Variants in ANKRD24 observed in about 807,000 individuals in gnomAD.
The protein encoded by ANKRD24 is ankyrin repeat domain 24.
ANKRD24 carries 109 observed loss-of-function variants against 127.8 expected under a neutral mutation model. The observed-to-expected ratio is 0.85, with a 90% CI of 0.73 to 1.00. ANKRD24 has a LOEUF of 1.00. Ranked by LOEUF, ANKRD24 falls within the 50% of genes least tolerant of loss-of-function variation. ANKRD24 has a pLI of 0.00. For missense variants in ANKRD24, 1,648 were observed against 1,570.2 expected (o/e 1.05, Z -0.84); for synonymous variants, 743 against 671.1 (o/e 1.11, Z -1.66).
chr19:4,201,194 A>C (rs1234149924), intron 5 of ANKRD24, among the ~76,000 whole-genome samples: 2 of 152,056 alleles, frequency 1.3e-5, no homozygotes, highest in African/African-American at 4.8e-5. Context: ...TAACTGAGAT[A>C]AAAATGTGTG....
intron 7 of ANKRD24, 133 bp downstream of exon 7, chr19:4,203,059 T>TG: frequency 5.0e-6 from 4 of 792,400 alleles, no homozygotes; most frequent in Non-Finnish European, 5.7e-6. Flanking sequence ...TTTCTTTTTT[T>TG]TTTTTTGAGA....
intron 19 of ANKRD24, among the ~76,000 whole-genome samples, chr19:4,220,850 C>G (rs780396881): frequency 6.6e-6 from 1 of 151,786 alleles, no homozygotes; most frequent in South Asian, 2.1e-4. Context: ...TCACCGCGAC[C>G]GGCCTCACAC....
chr19:4,210,354 G>A lies in ANKRD24; in HGVS notation c.1041G>A (p.Lys347=). The stretch of plus-strand genomic sequence containing the variant: ...AGATCCGGGGCCTGGAACAGCACAA[G>A]GAACGGAGGCAGCAGGAGGTTAGGA... The part of the protein sequence containing the change: ...LQKIRGLEQH[K]ERRQQESPEA... Residue 347 remains lysine (K), a synonymous_variant, in exon 13 of 22, where the codon AAG becomes AAA. Transcript: ENST00000318934. 1 of 1,567,678 alleles carries A rather than the reference G, an allele frequency of 6.4e-7. No individual in the cohort carries two copies. The highest frequency in any genetic ancestry group is 1.2e-5 in the South Asian group (1 of 84,916).
At chr19:4,194,963 CTGAT>C (rs529095561) in intron 2 of ANKRD24, among the ~76,000 whole-genome samples, 4 of 150,758 alleles carry the variant, frequency 2.7e-5, no homozygotes, top group Admixed American at 6.6e-5. Context: ...GGCATTTGCT[CTGAT>C]TGATTGATTG....
chr19:4,215,345 C>A (rs978924116), intron 15 of ANKRD24, among the ~76,000 whole-genome samples: 1 of 151,678 alleles, frequency 6.6e-6, no homozygotes, highest in African/African-American at 2.4e-5. Flanking sequence ...ATTAGCCAGG[C>A]GTGGTGGTAC....
chr19:4,205,935 A>G (rs925276122), intron 7 of ANKRD24, among the ~76,000 whole-genome samples: 118 of 151,340 alleles, frequency 7.8e-4, no homozygotes, highest in African/African-American at 2.8e-3. Context: ...GAGCTCAGGC[A>G]ATCGAGACCA....
In ANKRD24 at chr19:4,199,477, G is replaced by A; in HGVS notation, c.37-206G>A. On this transcript the variant is annotated intron_variant, in intron 2 of 21. Transcript: ENST00000318934. The surrounding 1 kb of genome is among the most constrained non-coding windows in gnomAD (Gnocchi z 5.2). ...TCCTCCCACCTTGGCCTCCCCAGAT[G>A]CTGGGACTACAGGCGTGAGCCTCCA... 3.0e-6 allele frequency: 3 copies of A among 984,414 alleles called. No homozygotes were observed. The highest frequency in any genetic ancestry group is 3.6e-6 in the Non-Finnish European group (3 of 828,992). 61.0% of individuals were successfully genotyped at this position (984,414 alleles called of 1,614,324 possible). A position where few individuals can be genotyped will look rare whatever the true frequency, so the allele number is the denominator to read the frequency against.
chr19:4,221,052 T>G (rs1970413826), intron 19 of ANKRD24, among the ~76,000 whole-genome samples: 1 of 151,896 alleles, frequency 6.6e-6, no homozygotes, highest in African/African-American at 2.4e-5. Flanking sequence ...TACAGGTGTG[T>G]GCCATCATGC....
At position 4,192,507 on chromosome 19, in the gene ANKRD24, G is replaced by A. The variant is rs544454560; in HGVS notation, c.36+6046G>A. 2.0e-5 allele frequency among the ~76,000 whole-genome samples: 3 copies of A among 149,100 alleles called. No individual in the cohort carries two copies. In the Admixed American group the frequency reaches 2.0e-4, roughly 10 times the overall value. On this transcript the variant is annotated intron_variant, in intron 2 of 21. Coordinates refer to ENST00000318934, the MANE Select transcript of ANKRD24 (RefSeq NM_001393985.1). ...ATTACAGGCGTGAGCCACCGCGCCC[G>A]GCCAGGCCTCGTATTTTCATTTTTC... is the stretch of plus-strand genomic sequence containing the variant.
At chr19:4,187,936 C>T (rs1968159678) in intron 2 of ANKRD24, among the ~76,000 whole-genome samples, 1 of 152,134 alleles carries the variant, frequency 6.6e-6, no homozygotes, top group Non-Finnish European at 1.5e-5. Flanking sequence ...ACCAGGTCTG[C>T]TTGATGCACA....
chr19:4,194,048 GACTGTCTAC>G (rs139902947), intron 2 of ANKRD24, among the ~76,000 whole-genome samples: 19,991 of 152,016 alleles, frequency 0.13, 1,657 homozygotes, highest in Non-Finnish European at 0.19. Flanking sequence ...AATAGCCTTT[GACTGTCTAC>G]ACTTTTTTCT....
rs1046686068 is a variant in ANKRD24 at position 4,199,431 on chromosome 19, C to T, written c.37-252C>T. The T allele has an allele frequency of 9.6e-5, 88 of 915,242 alleles. No homozygotes were observed. The highest frequency in any genetic ancestry group is 1.1e-4 in the Non-Finnish European group (83 of 766,128). The allele number at this position is 915,242 out of a possible 1,614,324, so 56.7% of individuals were successfully genotyped here. A position where few individuals can be genotyped will look rare whatever the true frequency, so the allele number is the denominator to read the frequency against. On this transcript the variant is annotated intron_variant, in intron 2 of 21. Transcript: ENST00000318934. This position sits in a 1 kb window ranked among gnomAD's most constrained non-coding sequence, Gnocchi z 5.2. ...CCTACTATGGTGCCCAGGTTTGTCT[C>T]AAACTCCTAGGCTCAAGCGATCCTC...
intron 2 of ANKRD24, among the ~76,000 whole-genome samples, chr19:4,196,661 C>T (rs560072768): frequency 6.6e-6 from 1 of 152,336 alleles, no homozygotes; most frequent in South Asian, 2.1e-4. Flanking sequence ...AGGCGTGAGC[C>T]ACCGCGCCTG....
At chr19:4,202,160 C>A in intron 6 of ANKRD24, 70 bp downstream of exon 6, 1 of 1,377,168 alleles carries the variant, frequency 7.3e-7, no homozygotes, top group Non-Finnish European at 1.0e-6. Flanking sequence ...ATTCCTTGAA[C>A]CCCCAGATGC....
intron 7 of ANKRD24, 182 bp from the exon 8 acceptor site, chr19:4,207,060 C>A: frequency 1.7e-6 from 1 of 604,360 alleles, no homozygotes. Flanking sequence ...CACAGACACA[C>A]ACCACCACAC....
rs1390633894 is a variant in ANKRD24, at chr19:4,195,905, A to C, written c.37-3778A>C. Among the ~76,000 whole-genome samples, 1 of 152,224 alleles carries C rather than the reference A, an allele frequency of 6.6e-6. No individual in the cohort carries two copies. Among genetic ancestry groups the C allele is most frequent in the Non-Finnish European group, 1.5e-5 (1 of 68,034 alleles). ...CAAGACTCCGTCTCAAAAGAAAAAA[A>C]GTAAAAGTCTAAGAATAATCACGGA... On this transcript the variant is annotated intron_variant, in intron 2 of 21. Coordinates refer to ENST00000318934, the MANE Select transcript of ANKRD24 (RefSeq NM_001393985.1). The surrounding 1 kb of genome is among the most constrained non-coding windows in gnomAD (Gnocchi z 4.2).
rs749942232 is a variant in ANKRD24 at position 4,199,759 on chromosome 19, G to T, written c.113G>T (p.Gly38Val). The T allele has an allele frequency of 2.0e-6, 3 of 1,537,488 alleles. No individual in the cohort carries two copies. In the South Asian group the frequency reaches 3.6e-5, roughly 18 times the overall value. Residue 38 changes from glycine to valine, a missense_variant, in exon 3 of 22, where the codon GGC becomes GTC. By Grantham distance (109) the Gly-to-Val change is moderately radical (BLOSUM62 -3). Coordinates refer to ENST00000318934, the MANE Select transcript of ANKRD24 (RefSeq NM_001393985.1). The surrounding 1 kb of genome is among the most constrained non-coding windows in gnomAD (Gnocchi z 5.2). ...PCPIPKPAARGRRQSQDWGKS... is the reference protein window; with the variant it reads ...PCPIPKPAARVRRQSQDWGKS... ...CCCATCCCGAAGCCGGCAGCCAGAG[G>T]CAGGCGCCAGGCAAGTGCCCAGGGG...
chr19:4,182,856 C>T, intron 1 of ANKRD24, 116 bp downstream of exon 1: 1 of 525,180 alleles, frequency 1.9e-6, no homozygotes, highest in Non-Finnish European at 2.4e-6. Flanking sequence ...CTATCCATGT[C>T]CCCACAACCC....
In ANKRD24 at chr19:4,217,585, G is replaced by C; in HGVS notation, c.2425G>C (p.Glu809Gln). The change falls in exon 18 of 22, where the codon GAG (glutamate) becomes CAG (glutamine). Residue 809 changes from glutamate to glutamine, a missense_variant. Glu to Gln is a conservative substitution (Grantham distance 29). Transcript: ENST00000318934. ...RDRDSRLREL[E>Q]AASACLDEAR... ...CCGGGACTCCCGCCTGCGGGAGCTG[G>C]AGGCGGCCTCGGCCTGCCTGGATGA... 7.6e-7 allele frequency: 1 copy of C among 1,309,574 alleles called. No homozygotes were observed. Among genetic ancestry groups the C allele is most frequent in the Non-Finnish European group, 9.7e-7 (1 of 1,033,808 alleles). 81.1% of individuals were successfully genotyped at this position (1,309,574 alleles called of 1,614,324 possible).
Sources: gnomAD v4.1 joint callset for allele counts (sites outside exome capture counted in the v4.1 genomes callset) on GRCh38, gnomAD v4.1.1 for gene constraint, Gnocchi (gnomAD v3.1) non-coding constraint, MANE v1.5 for transcripts, NCBI Gene and HGNC (gene_info 2026-07-23, HGNC 2026-07-21) for gene names.